The following SORCS1 variants were observed in gnomAD, a reference collection of about 807,000 sequenced individuals.
SORCS1 encodes the protein sortilin related VPS10 domain containing receptor 1, also known as VPS10 domain-containing receptor SorCS1.
In SORCS1, 60 loss-of-function variants were observed where a neutral mutation model predicts 146.1. The observed-to-expected ratio is 0.41, with a 90% CI of 0.33 to 0.51. The LOEUF (loss-of-function observed/expected upper bound fraction) is 0.51. Ranked by LOEUF, SORCS1 falls within the 20% of genes least tolerant of loss-of-function variation. The probability of loss-of-function intolerance (pLI) is 0.21; values close to 1 mark genes in which losing one functional copy is unlikely to be tolerated. For missense variants in SORCS1, 1,352 were observed against 1,487.6 expected (o/e 0.91, Z 1.50); for synonymous variants, 637 against 584.0 (o/e 1.09, Z -1.31).
chr10:107,070,499 A>C (rs1962322329), intron 1 of SORCS1, among the ~76,000 whole-genome samples: 1 of 152,210 alleles, frequency 6.6e-6, no homozygotes, highest in Non-Finnish European at 1.5e-5. Context: ...TTAAAAGCTA[A>C]GTGTCACGCA....
intron 2 of SORCS1, among the ~76,000 whole-genome samples, chr10:106,851,459 A>G (rs889544412): frequency 2.0e-5 from 3 of 152,188 alleles, no homozygotes; most frequent in Non-Finnish European, 2.9e-5. Context: ...TTTGTTGAAA[A>G]GACTTTTCCT....
At chr10:106,799,805 T>C (rs1009255138) in intron 3 of SORCS1, among the ~76,000 whole-genome samples, 3 of 152,198 alleles carry the variant, frequency 2.0e-5, no homozygotes, top group Non-Finnish European at 4.4e-5. Flanking sequence ...AGTTCAACCA[T>C]TGTGGAAGAC....
At chr10:107,008,599 A>C (rs1381279244) in intron 1 of SORCS1, among the ~76,000 whole-genome samples, 1 of 152,234 alleles carries the variant, frequency 6.6e-6, no homozygotes, top group Non-Finnish European at 1.5e-5. Context: ...AATATTTGAT[A>C]ATGTATTTCA....
chr10:107,095,349 C>T (rs1462510699), intron 1 of SORCS1, among the ~76,000 whole-genome samples: 1 of 152,148 alleles, frequency 6.6e-6, no homozygotes, highest in Non-Finnish European at 1.5e-5. Flanking sequence ...TTAGTGGGAG[C>T]CTGCAAACAA....
At chr10:106,735,809 G>A (rs2756240) in intron 5 of SORCS1, among the ~76,000 whole-genome samples, 118,118 of 152,110 alleles carry the variant, frequency 0.78, 46,869 homozygotes, top group Non-Finnish European at 0.87. Flanking sequence ...AAAGGTAAGC[G>A]TATACATTTA....
intron 6 of SORCS1, among the ~76,000 whole-genome samples, chr10:106,721,526 A>G (rs1589736022): frequency 6.6e-6 from 1 of 152,252 alleles, no homozygotes. Flanking sequence ...AATACAGATT[A>G]AAACAATAAG....
chr10:107,152,007 T>C (rs1485333232), intron 1 of SORCS1, among the ~76,000 whole-genome samples: 1 of 152,158 alleles, frequency 6.6e-6, no homozygotes. Flanking sequence ...AAAAATGCTT[T>C]AGTGGACCAG....
At chr10:107,038,429 T>A (rs1024795433) in intron 1 of SORCS1, among the ~76,000 whole-genome samples, 10 of 151,110 alleles carry the variant, frequency 6.6e-5, no homozygotes, top group Non-Finnish European at 1.2e-4. Context: ...TTAGGAGATA[T>A]ACCTAATGCT....
intron 23 of SORCS1, among the ~76,000 whole-genome samples, chr10:106,606,266 C>G (rs1293666013): frequency 7.3e-6 from 1 of 137,616 alleles, no homozygotes; most frequent in Admixed American, 7.3e-5. Flanking sequence ...CAAATACACA[C>G]ACAGATATAC....
At chr10:107,149,803 T>C (rs1565108064) in intron 1 of SORCS1, among the ~76,000 whole-genome samples, 2 of 152,190 alleles carry the variant, frequency 1.3e-5, no homozygotes, top group Non-Finnish European at 2.9e-5. Flanking sequence ...ATTGAGACAA[T>C]GAAGAAAGTG....
chr10:106,659,400 C>G (rs1363376008), intron 17 of SORCS1, among the ~76,000 whole-genome samples: 2 of 152,216 alleles, frequency 1.3e-5, no homozygotes, highest in South Asian at 2.1e-4. Context: ...CACTAAATCA[C>G]TTAATATCGA....
intron 1 of SORCS1, among the ~76,000 whole-genome samples, chr10:107,048,492 T>A (rs1024955882): frequency 6.6e-6 from 1 of 152,272 alleles, no homozygotes; most frequent in Admixed American, 6.5e-5. Context: ...GGGCATTGTT[T>A]CATTCACTGC....
chr10:107,163,277 A>T (rs1969843308), intron 1 of SORCS1, among the ~76,000 whole-genome samples: 1 of 152,176 alleles, frequency 6.6e-6, no homozygotes, highest in Non-Finnish European at 1.5e-5. Context: ...GATATATCTG[A>T]TCTTCCTGGG....
intron 8 of SORCS1, among the ~76,000 whole-genome samples, chr10:106,703,356 A>C (rs899652339): frequency 6.6e-6 from 1 of 152,108 alleles, no homozygotes; most frequent in African/African-American, 2.4e-5. Context: ...ATCCATACTA[A>C]TAATAATATT....
intron 7 of SORCS1, among the ~76,000 whole-genome samples, chr10:106,708,197 G>C (rs1854672826): frequency 6.6e-6 from 1 of 152,144 alleles, no homozygotes; most frequent in Non-Finnish European, 1.5e-5. Context: ...ACTTGATGCT[G>C]AAATTGTCAG....
At chr10:106,991,753 A>G (rs1252551106) in intron 1 of SORCS1, among the ~76,000 whole-genome samples, 1 of 152,206 alleles carries the variant, frequency 6.6e-6, no homozygotes, top group Non-Finnish European at 1.5e-5. Flanking sequence ...GAATAGGGAG[A>G]AAGACAGTAA....
At chr10:106,667,277 G>T (rs761364969) in intron 17 of SORCS1, 1 of 168,410 alleles carries the variant, frequency 5.9e-6, no homozygotes, top group Non-Finnish European at 1.3e-5. Flanking sequence ...TGAAAAGTCA[G>T]TGAGTTCCTT....
intron 2 of SORCS1, among the ~76,000 whole-genome samples, chr10:106,843,001 A>C (rs1949119720): frequency 6.6e-6 from 1 of 152,186 alleles, no homozygotes; most frequent in African/African-American, 2.4e-5. Context: ...ATTGTATTTA[A>C]GGTATACAAT....
At chr10:107,000,297 T>A (rs1957166073) in intron 1 of SORCS1, among the ~76,000 whole-genome samples, 3 of 152,184 alleles carry the variant, frequency 2.0e-5, no homozygotes, top group African/African-American at 4.8e-5. Flanking sequence ...GTTGGGAAGA[T>A]TTTTAGGTAT....
Sources: allele counts gnomAD v4.1 joint callset (sites outside exome capture counted in the v4.1 genomes callset), GRCh38; gene constraint gnomAD v4.1.1; transcripts MANE v1.5; gene names NCBI Gene and HGNC (gene_info 2026-07-23, HGNC 2026-07-21).